The following TTC7A variants were observed in gnomAD, a reference collection of about 807,000 sequenced individuals.
The protein encoded by TTC7A is tetratricopeptide repeat domain 7A.
In TTC7A, 110 loss-of-function variants were observed where a neutral mutation model predicts 103.7. The observed-to-expected ratio is 1.06, with a 90% confidence interval of 0.91 to 1.24. The LOEUF (loss-of-function observed/expected upper bound fraction) is 1.24. TTC7A is among the 50% of genes most tolerant of loss of function. The probability of loss-of-function intolerance (pLI) is 0.00; values close to 1 mark genes in which losing one functional copy is unlikely to be tolerated. For missense variants in TTC7A, 1,340 were observed against 1,116.3 expected (o/e 1.20, Z -2.86); for synonymous variants, 521 against 467.9 (o/e 1.11, Z -1.47).
chr2:46,921,580 A>C (rs186216837), intron 2 of TTC7A, among the ~76,000 whole-genome samples: 26 of 152,358 alleles, frequency 1.7e-4, no homozygotes, highest in Admixed American at 8.5e-4. Flanking sequence ...ATCTTCATGC[A>C]AATGATATGC....
intron 19 of TTC7A, among the ~76,000 whole-genome samples, chr2:47,062,518 A>C (rs1377005228): frequency 6.6e-6 from 1 of 152,180 alleles, no homozygotes; most frequent in Non-Finnish European, 1.5e-5. Flanking sequence ...TTCTTTGATA[A>C]ATGCCTCGCC....
In TTC7A at chr2:46,918,365, A is replaced by C. The variant is rs190396477; in HGVS notation, c.82+1088A>C. On this transcript the variant is annotated intron_variant, in intron 2 of 20. Transcript: ENST00000409245. ...TCTTTGACTTCTTTCCACCTCCACTAAACCATCTAGTCCAGTAGTAGATGA... is the reference window on the plus strand; with the variant it reads ...TCTTTGACTTCTTTCCACCTCCACTCAACCATCTAGTCCAGTAGTAGATGA... 8.5e-5 allele frequency among the ~76,000 whole-genome samples: 13 copies of C among 152,282 alleles called. No individual in the cohort carries two copies. In the East Asian group the frequency reaches 2.5e-3, roughly 29 times the overall value.
At chr2:46,929,092 G>A (rs571933797) in intron 2 of TTC7A, among the ~76,000 whole-genome samples, 1 of 152,306 alleles carries the variant, frequency 6.6e-6, no homozygotes, top group Non-Finnish European at 1.5e-5. Context: ...GAACCTGGAA[G>A]GTGGAGGTTG....
chr2:47,067,572 A>G (rs1457186794), intron 19 of TTC7A, among the ~76,000 whole-genome samples: 1 of 152,272 alleles, frequency 6.6e-6, no homozygotes, highest in East Asian at 1.9e-4. Context: ...TAAAATGAGT[A>G]TCAGAGCTGG....
chr2:46,917,113 G>T, intron 1 of TTC7A: 1 of 692,278 alleles, frequency 1.4e-6, no homozygotes, highest in South Asian at 1.5e-5. Flanking sequence ...ACCTTCATCT[G>T]AGATTGAAAT....
At position 47,070,401 on chromosome 2, in the gene TTC7A, C is replaced by CTG. The variant is rs1289057335; in HGVS notation, c.2356-3290_2356-3289dup. 8.5e-5 allele frequency among the ~76,000 whole-genome samples: 13 copies of CTG among 152,254 alleles called. No homozygotes were observed. The East Asian group carries it at 1.5e-3, about 18-fold the overall frequency. ...AGCATCCCTGATCGGAGGTCCACAT[C>CTG]TGTGTGTGTGTGGGTGTCTCTGGGT... On this transcript the variant is annotated intron_variant, in intron 19 of 19. Transcript: ENST00000319190.
At chr2:47,053,381 G>C (rs1486650014) in intron 18 of TTC7A, among the ~76,000 whole-genome samples, 1 of 152,192 alleles carries the variant, frequency 6.6e-6, no homozygotes, top group African/African-American at 2.4e-5. Flanking sequence ...CCACAGCTTC[G>C]CACCCATGAT....
At chr2:46,974,866 A>T in intron 3 of TTC7A, 107 bp from the exon 4 acceptor site, 2 of 1,484,284 alleles carry the variant, frequency 1.3e-6, no homozygotes, top group South Asian at 2.4e-5. Context: ...TCCTGGCTGC[A>T]CCAGAGTGTC....
At chr2:46,930,660 C>A (rs1008514148) in intron 2 of TTC7A, among the ~76,000 whole-genome samples, 30 of 152,176 alleles carry the variant, frequency 2.0e-4, no homozygotes, top group Non-Finnish European at 3.2e-4. Flanking sequence ...CAACCACGTG[C>A]AGCTAATTTT....
Position 47,075,718 on chromosome 2 carries a change from T to G in TTC7A, c.*1795T>G, listed in dbSNP as rs1685161764. 1.3e-5 allele frequency: 2 copies of G among 152,440 alleles called. No individual in the cohort carries two copies. The highest frequency in any genetic ancestry group is 6.5e-5 in the Admixed American group (1 of 15,278). 9.4% of individuals were successfully genotyped at this position (152,440 alleles called of 1,614,324 possible). A position where few individuals can be genotyped will look rare whatever the true frequency, so the allele number is the denominator to read the frequency against. On this transcript the variant is annotated 3_prime_UTR_variant, in exon 20 of 20. Transcript: ENST00000319190. ...GGGGAGGGATGTGGGAAAGGAAGGA[T>G]GGGAGGGAGGACCCTCTGGGAAAAT...
chr2:47,005,319 C>G (rs552445291), intron 8 of TTC7A, among the ~76,000 whole-genome samples: 10 of 152,324 alleles, frequency 6.6e-5, no homozygotes, highest in Non-Finnish European at 1.3e-4. Flanking sequence ...ACAGCCCAAC[C>G]TCCCCACCAA....
chr2:47,059,993 C>G (rs1483646364), intron 18 of TTC7A, among the ~76,000 whole-genome samples: 1 of 151,824 alleles, frequency 6.6e-6, no homozygotes, highest in African/African-American at 2.4e-5. Context: ...CCCATCTCTA[C>G]AAAAAAATAC....
At chr2:46,935,806 T>C (rs1265414557) in intron 2 of TTC7A, among the ~76,000 whole-genome samples, 1 of 152,134 alleles carries the variant, frequency 6.6e-6, no homozygotes, top group Non-Finnish European at 1.5e-5. Context: ...TTTTAATTTT[T>C]CTTTTAGGTG....
intron 5 of TTC7A, among the ~76,000 whole-genome samples, chr2:46,990,397 C>T (rs534506455): frequency 2.0e-4 from 30 of 152,272 alleles, no homozygotes; most frequent in Non-Finnish European, 4.1e-4. Context: ...GGCTTATCTA[C>T]CAGGAATCCT....
intron 15 of TTC7A, among the ~76,000 whole-genome samples, chr2:47,043,393 T>C (rs1681975468): frequency 6.6e-6 from 1 of 152,022 alleles, no homozygotes; most frequent in African/African-American, 2.4e-5. Context: ...TGGCTGAATG[T>C]CAGAGGGGAA....
At chr2:47,015,328 A>G (rs1004629961) in intron 11 of TTC7A, among the ~76,000 whole-genome samples, 1 of 152,272 alleles carries the variant, frequency 6.6e-6, no homozygotes, top group Non-Finnish European at 1.5e-5. Flanking sequence ...AGGAAAGGCT[A>G]TGCATGTGTG....
In TTC7A at chr2:47,007,919, C is replaced by T. The variant is rs1677596979; in HGVS notation, c.1287+1195C>T. Among the ~76,000 whole-genome samples the T allele has an allele frequency of 1.3e-5, 2 of 152,240 alleles. No individual in the cohort carries two copies. ...TTCAGAACACAGGGCAAGGCCCTGGCCCTCCAAGGGTTAGAGAGTGAGAGA... is the reference window on the plus strand; with the variant it reads ...TTCAGAACACAGGGCAAGGCCCTGGTCCTCCAAGGGTTAGAGAGTGAGAGA... On this transcript the variant is annotated intron_variant, in intron 10 of 19. Transcript: ENST00000319190. This position sits in a 1 kb window ranked among gnomAD's most constrained non-coding sequence, Gnocchi z 4.9.
At chr2:47,044,950 C>T (rs1301868417) in intron 15 of TTC7A, among the ~76,000 whole-genome samples, 1 of 152,204 alleles carries the variant, frequency 6.6e-6, no homozygotes, top group East Asian at 1.9e-4. Context: ...AGGGGCAGGC[C>T]TGGCCTCACC....
intron 11 of TTC7A, among the ~76,000 whole-genome samples, chr2:47,020,981 G>T (rs1355943435): frequency 6.6e-6 from 1 of 152,252 alleles, no homozygotes; most frequent in Non-Finnish European, 1.5e-5. Context: ...AAATGCCCAT[G>T]GCTTGGGGCT....
Sources: gnomAD v4.1 joint callset for allele counts (sites outside exome capture counted in the v4.1 genomes callset) on GRCh38, gnomAD v4.1.1 for gene constraint, Gnocchi (gnomAD v3.1) non-coding constraint, MANE v1.5 for transcripts, NCBI Gene and HGNC (gene_info 2026-07-23, HGNC 2026-07-21) for gene names.